HAPLN1: variants seen among roughly 807,000 people sequenced by gnomAD.
The protein encoded by HAPLN1 is Cartilage link protein.
A neutral mutation model predicts 36.5 loss-of-function variants in HAPLN1; 13 were observed. The ratio of observed to expected loss-of-function variants is 0.36; its 90% CI spans 0.23 to 0.57. The LOEUF (loss-of-function observed/expected upper bound fraction) is 0.57, where lower values mean the gene tolerates loss of function less well. Ranked by LOEUF, HAPLN1 falls within the 20% of genes least tolerant of loss-of-function variation. The probability of loss-of-function intolerance (pLI) is 0.83; values close to 1 mark genes in which losing one functional copy is unlikely to be tolerated. For missense variants in HAPLN1, 407 were observed against 439.7 expected (o/e 0.93, Z 0.66); for synonymous variants, 202 against 169.8 (o/e 1.19, Z -1.48).
At chr5:83,701,079 G>T (rs1207435361) in intron 1 of HAPLN1, among the ~76,000 whole-genome samples, 1 of 152,120 alleles carries the variant, frequency 6.6e-6, no homozygotes, top group Non-Finnish European at 1.5e-5. Flanking sequence ...TAGTCTTATA[G>T]TTCCAAGGCT....
intron 3 of HAPLN1, among the ~76,000 whole-genome samples, chr5:83,650,866 C>A (rs143696389): frequency 1.3e-3 from 198 of 151,944 alleles, no homozygotes; most frequent in African/African-American, 4.6e-3. Context: ...AATCTTCTGA[C>A]CTTGTGATCC....
At chr5:83,693,288 A>G (rs933649174) in intron 1 of HAPLN1, among the ~76,000 whole-genome samples, 1 of 151,912 alleles carries the variant, frequency 6.6e-6, no homozygotes, top group Non-Finnish European at 1.5e-5. Context: ...AAGTTAAGGT[A>G]TATACTATAA....
intron 2 of HAPLN1, among the ~76,000 whole-genome samples, chr5:83,657,706 G>A (rs1358288897): frequency 6.6e-6 from 1 of 151,868 alleles, no homozygotes; most frequent in African/African-American, 2.4e-5. Context: ...ATGAATTGAG[G>A]ATGGTGCAAG....
At chr5:83,696,351 G>T (rs1272874525) in intron 1 of HAPLN1, among the ~76,000 whole-genome samples, 2 of 152,042 alleles carry the variant, frequency 1.3e-5, no homozygotes, top group African/African-American at 4.8e-5. Context: ...TAAATTCAAT[G>T]CATTCAAATC....
intron 3 of HAPLN1, among the ~76,000 whole-genome samples, chr5:83,648,936 C>T (rs1260810030): frequency 1.3e-5 from 2 of 152,048 alleles, no homozygotes; most frequent in Non-Finnish European, 2.9e-5. Context: ...GGAGAGTGTC[C>T]TTAGCTTATG....
chr5:83,671,081 G>A (rs1353748344), intron 2 of HAPLN1, among the ~76,000 whole-genome samples: 2 of 151,968 alleles, frequency 1.3e-5, no homozygotes, highest in Non-Finnish European at 2.9e-5. Flanking sequence ...AAAATTATGA[G>A]GAGGCTTCAG....
At chr5:83,668,159 A>G (rs1750606761) in intron 2 of HAPLN1, among the ~76,000 whole-genome samples, 1 of 152,186 alleles carries the variant, frequency 6.6e-6, no homozygotes. Flanking sequence ...TCACACAAAG[A>G]TTCCTGCCTT....
chr5:83,657,831 A>G (rs2112574807), intron 2 of HAPLN1, among the ~76,000 whole-genome samples: 1 of 151,846 alleles, frequency 6.6e-6, no homozygotes, highest in South Asian at 2.1e-4. Context: ...CCAACTGGGG[A>G]ATGTATTTAA....
chr5:83,680,239 A>G (rs553048301), intron 1 of HAPLN1, among the ~76,000 whole-genome samples: 1 of 152,308 alleles, frequency 6.6e-6, no homozygotes, highest in East Asian at 1.9e-4. Flanking sequence ...GGATTCTGCA[A>G]TAGTTTTGTT....
chr5:83,685,722 A>G (rs949653667), intron 1 of HAPLN1: 2 of 152,148 alleles, frequency 1.3e-5, no homozygotes, highest in Non-Finnish European at 2.9e-5. Flanking sequence ...AGTTCTAAAC[A>G]TAGCTGTATA....
intron 1 of HAPLN1, among the ~76,000 whole-genome samples, chr5:83,677,194 T>C (rs1250147810): frequency 1.3e-5 from 2 of 152,114 alleles, no homozygotes; most frequent in African/African-American, 4.8e-5. Flanking sequence ...TCAGAACAAC[T>C]CAATTGAGGT....
chr5:83,654,422 A>G (rs1388911679), intron 2 of HAPLN1, among the ~76,000 whole-genome samples: 2 of 152,204 alleles, frequency 1.3e-5, no homozygotes, highest in Admixed American at 6.5e-5. Context: ...ACATAACTCT[A>G]TGTAATTCTA....
intron 1 of HAPLN1, among the ~76,000 whole-genome samples, chr5:83,687,664 T>A (rs1561317549): frequency 6.6e-6 from 1 of 152,186 alleles, no homozygotes; most frequent in African/African-American, 2.4e-5. Context: ...AATCCTTGTA[T>A]CTCCAGCACA....
chr5:83,693,057 G>A lies in HAPLN1; in HGVS notation c.-26-19508C>T, dbSNP rs558927835. Among the ~76,000 whole-genome samples, 10 of 151,808 alleles carry A rather than the reference G, an allele frequency of 6.6e-5. No homozygotes were observed. The South Asian group carries it at 2.1e-3, about 32-fold the overall frequency. ...TGATAAAATTTAATTTATAAATTAG[G>A]CACAGTAAGAAATTAACAATAATAA... On this transcript the variant is annotated intron_variant, in intron 1 of 4. Coordinates refer to ENST00000274341, the MANE Select transcript of HAPLN1 (RefSeq NM_001884.4).
intron 1 of HAPLN1, among the ~76,000 whole-genome samples, chr5:83,701,767 G>A (rs562698189): frequency 4.6e-5 from 7 of 152,032 alleles, no homozygotes; most frequent in Non-Finnish European, 1.0e-4. Context: ...GTGAAACCCC[G>A]TCTCTACTAA....
In HAPLN1 at chr5:83,655,480, G is replaced by T. The variant is rs887262498; in HGVS notation, c.101-2656C>A. On this transcript the variant is annotated intron_variant, in intron 2 of 4. Transcript: ENST00000274341. ...AAAATAGTTTTTTAACAAGCCTATCGAAATGTATAAAATTCTACCATTCTC... is the reference window on the plus strand; with the variant it reads ...AAAATAGTTTTTTAACAAGCCTATCTAAATGTATAAAATTCTACCATTCTC... 1.8e-4 allele frequency among the ~76,000 whole-genome samples: 28 copies of T among 151,736 alleles called. No homozygotes were observed. In the Middle Eastern group the frequency reaches 0.01, roughly 55 times the overall value.
chr5:83,652,430 G>T, intron 3 of HAPLN1, 23 bp downstream of exon 3: 1 of 1,590,816 alleles, frequency 6.3e-7, no homozygotes, highest in South Asian at 1.1e-5. Flanking sequence ...TTTATACGTT[G>T]AACATGACTT....
At chr5:83,692,448 G>C (rs944382796) in intron 1 of HAPLN1, among the ~76,000 whole-genome samples, 1 of 151,850 alleles carries the variant, frequency 6.6e-6, no homozygotes, top group Non-Finnish European at 1.5e-5. Context: ...TCTTGTCTGA[G>C]ACAAAGCAAG....
intron 1 of HAPLN1, among the ~76,000 whole-genome samples, chr5:83,685,384 C>T (rs145080720): frequency 9.7e-4 from 148 of 152,248 alleles, no homozygotes; most frequent in African/African-American, 3.5e-3. Context: ...CCTGCACAAC[C>T]GTATGCTGCA....
Sources: gnomAD v4.1 joint callset for allele counts (sites outside exome capture counted in the v4.1 genomes callset) on GRCh38, gnomAD v4.1.1 for gene constraint, MANE v1.5 for transcripts, NCBI Gene and HGNC (gene_info 2026-07-23, HGNC 2026-07-21) for gene names.